CNTNAP2: variants seen among roughly 807,000 people sequenced by gnomAD.
CNTNAP2 encodes contactin associated protein 2.
A neutral mutation model predicts 155.2 loss-of-function variants in CNTNAP2; 98 were observed. The ratio of observed to expected loss-of-function variants is 0.63; its 90% CI spans 0.54 to 0.75. The LOEUF (loss-of-function observed/expected upper bound fraction) is 0.75. Ranked by LOEUF, CNTNAP2 falls within the 30% of genes least tolerant of loss-of-function variation. The probability of loss-of-function intolerance (pLI) is 0.00; values close to 1 mark genes in which losing one functional copy is unlikely to be tolerated. For missense variants in CNTNAP2, 1,727 were observed against 1,688.1 expected, an observed-to-expected ratio of 1.02 and a Z score of -0.40; for synonymous variants, 651 against 631.2, an observed-to-expected ratio of 1.03 and a Z score of -0.47.
rs1449794712 is a variant in CNTNAP2, at chr7:146,390,656, A to G, written c.97+273683A>G. Among the ~76,000 whole-genome samples the G allele has an allele frequency of 2.0e-5, 3 of 149,324 alleles. No homozygotes were observed. In the East Asian group the frequency reaches 5.8e-4, roughly 29 times the overall value. ...AAAAATATATATATTTTTTCATGAA[A>G]TAAATATATATATAAGTCTAGATTG... On this transcript the variant is annotated intron_variant, in intron 1 of 23. Transcript: ENST00000361727.
At chr7:146,998,784 CTT>C (rs899698930) in intron 3 of CNTNAP2, among the ~76,000 whole-genome samples, 2 of 151,942 alleles carry the variant, frequency 1.3e-5, no homozygotes, top group African/African-American at 4.8e-5. Flanking sequence ...CTTTTTGTCT[CTT>C]TTCACAGATT....
intron 10 of CNTNAP2, among the ~76,000 whole-genome samples, chr7:147,429,784 C>A (rs935789804): frequency 2.0e-5 from 3 of 152,100 alleles, no homozygotes; most frequent in Non-Finnish European, 4.4e-5. Flanking sequence ...ATATGGCTTA[C>A]CAATTTTTCC....
chr7:146,799,918 T>C (rs1415248452), intron 2 of CNTNAP2, among the ~76,000 whole-genome samples: 1 of 152,178 alleles, frequency 6.6e-6, no homozygotes, highest in Non-Finnish European at 1.5e-5. Context: ...TGGTACATCA[T>C]AATTGCTATG....
At chr7:146,994,702 G>C (rs561414962) in intron 3 of CNTNAP2, among the ~76,000 whole-genome samples, 31 of 151,936 alleles carry the variant, frequency 2.0e-4, no homozygotes, top group Admixed American at 1.4e-3. Context: ...ACATATCTGT[G>C]GTGATTTAAA....
intron 14 of CNTNAP2, among the ~76,000 whole-genome samples, chr7:147,920,355 CAAAAAA>C (rs35672069): frequency 7.6e-4 from 66 of 86,826 alleles, no homozygotes; most frequent in Middle Eastern, 0.013. Flanking sequence ...GACTCCGTCT[CAAAAAA>C]AAAAAAAAAA....
chr7:147,398,188 C>T (rs966615698), intron 10 of CNTNAP2, among the ~76,000 whole-genome samples: 1 of 152,000 alleles, frequency 6.6e-6, no homozygotes, highest in African/African-American at 2.4e-5. Context: ...TGGTTTTAGT[C>T]TGTCCTCATA....
chr7:147,665,864 T>C (rs1795685671), intron 13 of CNTNAP2, among the ~76,000 whole-genome samples: 1 of 152,196 alleles, frequency 6.6e-6, no homozygotes, highest in African/African-American at 2.4e-5. Flanking sequence ...CCTTAGTCAG[T>C]CTATTATTGA....
intron 1 of CNTNAP2, among the ~76,000 whole-genome samples, chr7:146,561,957 T>A (rs1041929858): frequency 6.6e-6 from 1 of 151,828 alleles, no homozygotes; most frequent in African/African-American, 2.4e-5. Context: ...TATTCAGCTA[T>A]TTTTTATATT....
At chr7:147,311,089 G>A (rs572894685) in intron 9 of CNTNAP2, among the ~76,000 whole-genome samples, 10 of 152,266 alleles carry the variant, frequency 6.6e-5, no homozygotes, top group Non-Finnish European at 1.2e-4. Context: ...CAGCTCTCAA[G>A]GGCGGGGAGT....
At chr7:147,736,235 A>C (rs1434238214) in intron 13 of CNTNAP2, among the ~76,000 whole-genome samples, 1 of 151,758 alleles carries the variant, frequency 6.6e-6, no homozygotes, top group African/African-American at 2.4e-5. Context: ...AAAATCTCTC[A>C]GCATTTGCTT....
intron 3 of CNTNAP2, among the ~76,000 whole-genome samples, chr7:146,940,000 C>T (rs1375747259): frequency 6.6e-6 from 1 of 152,076 alleles, no homozygotes; most frequent in Admixed American, 6.6e-5. Flanking sequence ...GCCAAACTAA[C>T]CCTGAGGTGT....
At chr7:147,621,725 A>T (rs931615649) in intron 12 of CNTNAP2, among the ~76,000 whole-genome samples, 5 of 152,056 alleles carry the variant, frequency 3.3e-5, no homozygotes, top group African/African-American at 1.2e-4. Flanking sequence ...GAAAGAGAAG[A>T]CAAAAAAACA....
intron 21 of CNTNAP2, among the ~76,000 whole-genome samples, chr7:148,271,581 A>G (rs1796780393): frequency 6.6e-6 from 1 of 152,216 alleles, no homozygotes; most frequent in Non-Finnish European, 1.5e-5. Flanking sequence ...ACCTTCCAGA[A>G]TGGTGAGGAA....
At position 147,112,718 on chromosome 7, in the gene CNTNAP2, G is replaced by A. The variant is rs563771048; in HGVS notation, c.754+4368G>A. Reference sequence around the variant, plus strand: ...ACCAACCCTACATCTCAGGGATGAGGCCTACATGATTACAGTGAATACCCA... The same window carrying A: ...ACCAACCCTACATCTCAGGGATGAGACCTACATGATTACAGTGAATACCCA... On this transcript the variant is annotated intron_variant, in intron 5 of 23. Coordinates refer to ENST00000361727, the MANE Select transcript of CNTNAP2 (RefSeq NM_014141.6). 3.3e-5 allele frequency among the ~76,000 whole-genome samples: 5 copies of A among 152,274 alleles called. No homozygotes were observed. The East Asian group carries it at 9.6e-4, about 29-fold the overall frequency.
intron 15 of CNTNAP2, among the ~76,000 whole-genome samples, chr7:148,112,228 A>T (rs1804368515): frequency 6.6e-6 from 1 of 152,170 alleles, no homozygotes; most frequent in South Asian, 2.1e-4. Context: ...TGAAAAAAAT[A>T]ATTATGGATT....
At chr7:147,413,506 G>GTACTCTCAA (rs1176679686) in intron 10 of CNTNAP2, among the ~76,000 whole-genome samples, 1 of 152,208 alleles carries the variant, frequency 6.6e-6, no homozygotes, top group Non-Finnish European at 1.5e-5. Flanking sequence ...ACAGGGATTA[G>GTACTCTCAA]TGAGAGAGCA....
intron 15 of CNTNAP2, among the ~76,000 whole-genome samples, chr7:148,098,144 T>C (rs1804011437): frequency 4.6e-5 from 7 of 152,008 alleles, no homozygotes; most frequent in Admixed American, 4.6e-4. Flanking sequence ...TGGAACAAGC[T>C]TGGTACTTTA....
chr7:147,068,826 A>T (rs544787293), intron 4 of CNTNAP2, among the ~76,000 whole-genome samples: 17 of 152,312 alleles, frequency 1.1e-4, no homozygotes, highest in African/African-American at 3.8e-4. Flanking sequence ...TTCGTGAAAT[A>T]CATCTTAATA....
chr7:146,845,177 G>A (rs757346273), intron 3 of CNTNAP2, among the ~76,000 whole-genome samples: 3 of 152,116 alleles, frequency 2.0e-5, no homozygotes, highest in Non-Finnish European at 4.4e-5. Context: ...TGGATTTTCT[G>A]AATAGCAAGG....
Sources: gnomAD v4.1 joint callset for allele counts (sites outside exome capture counted in the v4.1 genomes callset) on GRCh38, gnomAD v4.1.1 for gene constraint, MANE v1.5 for transcripts, NCBI Gene and HGNC (gene_info 2026-07-23, HGNC 2026-07-21) for gene names.